Variants in ZFPM2 observed in about 807,000 individuals in gnomAD.
The protein encoded by ZFPM2 is zinc finger protein ZFPM2.
A neutral mutation model predicts 98.6 loss-of-function variants in ZFPM2; 20 were observed. That is an observed-to-expected ratio of 0.20 (90% CI 0.14 to 0.29). The LOEUF (loss-of-function observed/expected upper bound fraction) is 0.29. Ranked by LOEUF, ZFPM2 falls within the 10% of genes least tolerant of loss-of-function variation. The probability of loss-of-function intolerance (pLI) is 1.00; values close to 1 mark genes in which losing one functional copy is unlikely to be tolerated. For missense variants in ZFPM2, 1,310 were observed against 1,388.6 expected (o/e 0.94, Z 0.90); for synonymous variants, 518 against 502.7 (o/e 1.03, Z -0.41).
At position 105,629,024 on chromosome 8, in the gene ZFPM2, T is replaced by C. The variant is rs1254344992; in HGVS notation, c.421-5222T>C. Among the ~76,000 whole-genome samples the C allele has an allele frequency of 2.6e-5, 4 of 152,192 alleles. No homozygotes were observed. The South Asian group carries it at 8.3e-4, about 31-fold the overall frequency. On this transcript the variant is annotated intron_variant, in intron 4 of 7. Coordinates refer to ENST00000407775, the MANE Select transcript of ZFPM2 (RefSeq NM_012082.4). ...TGGGAGTCACAGTCACCCCTGCCTG[T>C]ATGCTGCTGTGGGGCCTGCATGGAG...
At chr8:105,570,967 A>G (rs1815341620) in intron 4 of ZFPM2, among the ~76,000 whole-genome samples, 2 of 152,206 alleles carry the variant, frequency 1.3e-5, no homozygotes, top group African/African-American at 4.8e-5. Flanking sequence ...TTTGTTGAAG[A>G]TGATCTTTTC....
intron 5 of ZFPM2, among the ~76,000 whole-genome samples, chr8:105,649,220 A>C (rs1817118111): frequency 6.6e-6 from 1 of 152,296 alleles, no homozygotes; most frequent in East Asian, 1.9e-4. Flanking sequence ...ATTTTTGCAC[A>C]ATGATTTTTG....
chr8:105,379,878 A>G (rs747652909), intron 1 of ZFPM2, among the ~76,000 whole-genome samples: 6 of 152,318 alleles, frequency 3.9e-5, no homozygotes, highest in South Asian at 2.1e-4. Context: ...TTATTTCACA[A>G]TGTAAAATGA....
chr8:105,766,311 C>A (rs1270809315), intron 5 of ZFPM2, among the ~76,000 whole-genome samples: 1 of 151,916 alleles, frequency 6.6e-6, no homozygotes, highest in Non-Finnish European at 1.5e-5. Context: ...CCTATAATTA[C>A]ATGTTATCTG....
At chr8:105,330,628 A>T (rs1230745125) in intron 1 of ZFPM2, among the ~76,000 whole-genome samples, 2 of 68,450 alleles carry the variant, frequency 2.9e-5, no homozygotes, top group Non-Finnish European at 7.1e-5. Flanking sequence ...ATATATATAT[A>T]TATACATATA....
chr8:105,326,562 T>C (rs1812118575), intron 1 of ZFPM2, among the ~76,000 whole-genome samples: 1 of 151,704 alleles, frequency 6.6e-6, no homozygotes, highest in Non-Finnish European at 1.5e-5. Context: ...AGCTAAAAAC[T>C]CTTTTTATAA....
intron 5 of ZFPM2, among the ~76,000 whole-genome samples, chr8:105,664,164 T>C (rs1282516754): frequency 2.6e-5 from 4 of 152,248 alleles, no homozygotes; most frequent in African/African-American, 9.6e-5. Context: ...ACTTTTGTAC[T>C]CCATTGCATT....
chr8:105,681,063 T>C (rs1810588925), intron 5 of ZFPM2, among the ~76,000 whole-genome samples: 1 of 152,208 alleles, frequency 6.6e-6, no homozygotes, highest in Non-Finnish European at 1.5e-5. Context: ...AAAATATAAT[T>C]TGCACATGCA....
intron 4 of ZFPM2, among the ~76,000 whole-genome samples, chr8:105,597,326 C>T (rs546302848): frequency 1.3e-5 from 2 of 151,950 alleles, no homozygotes; most frequent in Non-Finnish European, 2.9e-5. Context: ...AAAGTAATGT[C>T]CAATGCTGGA....
At chr8:105,344,147 C>G (rs914018249) in intron 1 of ZFPM2, among the ~76,000 whole-genome samples, 2 of 152,108 alleles carry the variant, frequency 1.3e-5, no homozygotes, top group Non-Finnish European at 2.9e-5. Context: ...ATCCAATTAC[C>G]TCTCACTGTG....
chr8:105,343,778 A>G (rs1051132326), intron 1 of ZFPM2, among the ~76,000 whole-genome samples: 3 of 152,284 alleles, frequency 2.0e-5, no homozygotes, highest in African/African-American at 7.2e-5. Context: ...GGGGTAAAAC[A>G]GGAGTAGGTT....
chr8:105,535,543 A>C (rs1371789657), intron 3 of ZFPM2, among the ~76,000 whole-genome samples: 1 of 152,174 alleles, frequency 6.6e-6, no homozygotes, highest in Non-Finnish European at 1.5e-5. Context: ...CCTCTGTGTT[A>C]TGGTCTACAG....
At chr8:105,659,945 A>G (rs1474815950) in intron 5 of ZFPM2, among the ~76,000 whole-genome samples, 2 of 152,210 alleles carry the variant, frequency 1.3e-5, no homozygotes, top group African/African-American at 4.8e-5. Context: ...ACTAGCATTC[A>G]TTAGGAAACC....
chr8:105,694,067 A>G (rs1676713872), intron 5 of ZFPM2, among the ~76,000 whole-genome samples: 1 of 147,384 alleles, frequency 6.8e-6, no homozygotes, highest in South Asian at 2.1e-4. Context: ...GCTCACTGCA[A>G]GCTCTGCCTC....
At chr8:105,797,015 A>T (rs1459200054) in intron 6 of ZFPM2, 3 of 152,280 alleles carry the variant, frequency 2.0e-5, no homozygotes, top group Non-Finnish European at 2.9e-5. Context: ...GCTTGGGAGC[A>T]AAGCAGAGCC....
intron 3 of ZFPM2, among the ~76,000 whole-genome samples, chr8:105,445,636 A>G (rs900753582): frequency 4.6e-5 from 7 of 151,282 alleles, no homozygotes; most frequent in African/African-American, 1.7e-4. Context: ...ACAGGGTCTC[A>G]CTCTGTTGCC....
intron 5 of ZFPM2, among the ~76,000 whole-genome samples, chr8:105,719,647 A>G (rs1330557388): frequency 6.6e-6 from 1 of 151,948 alleles, no homozygotes; most frequent in East Asian, 1.9e-4. Flanking sequence ...GATAATACAT[A>G]TAGAGTGCTT....
At chr8:105,563,482 T>C (rs921835767) in intron 4 of ZFPM2, among the ~76,000 whole-genome samples, 1 of 152,168 alleles carries the variant, frequency 6.6e-6, no homozygotes, top group African/African-American at 2.4e-5. Flanking sequence ...CCAGACCAAA[T>C]ATTTAATATT....
intron 1 of ZFPM2, among the ~76,000 whole-genome samples, chr8:105,393,356 T>TTCTC (rs1308838212): frequency 1.1e-5 from 1 of 91,426 alleles, no homozygotes; most frequent in African/African-American, 4.4e-5. Context: ...CTTTCTTTCT[T>TTCTC]TCTTTCTTTC....
Sources: allele counts gnomAD v4.1 joint callset (sites outside exome capture counted in the v4.1 genomes callset), GRCh38; gene constraint gnomAD v4.1.1; transcripts MANE v1.5; gene names NCBI Gene and HGNC (gene_info 2026-07-23, HGNC 2026-07-21).